SPECC1L: variants seen among roughly 807,000 people sequenced by gnomAD.
The protein encoded by SPECC1L is cytospin-A.
SPECC1L carries 40 observed loss-of-function variants against 116.8 expected under a neutral mutation model. The ratio of observed to expected loss-of-function variants is 0.34; its 90% CI spans 0.27 to 0.45. The LOEUF is 0.45. Ranked by LOEUF, SPECC1L falls within the 20% of genes least tolerant of loss-of-function variation. The pLI is 1.00. For synonymous variants in SPECC1L, 504 were observed against 500.6 expected (o/e 1.01, Z -0.09); for missense variants, 1,110 against 1,373.6 (o/e 0.81, Z 3.03).
intron 2 of SPECC1L, among the ~76,000 whole-genome samples, 155 bp from the exon 3 acceptor site, chr22:24,302,040 C>A (rs558050887): frequency 6.6e-4 from 99 of 150,086 alleles, no homozygotes; most frequent in African/African-American, 2.4e-3. Flanking sequence ...AGCGAGACTC[C>A]GTCTCAAAAA....
In SPECC1L at chr22:24,387,737, C is replaced by T. The variant is rs2042187397; in HGVS notation, c.3087+18417C>T. 4.6e-5 allele frequency among the ~76,000 whole-genome samples: 7 copies of T among 152,232 alleles called. No individual in the cohort carries two copies. In the South Asian group the frequency reaches 1.5e-3, roughly 32 times the overall value. The stretch of plus-strand genomic sequence containing the variant: ...TTGTTTTCTATTACTATTGAAATTA[C>T]TACAAATGTAGTAGCTAAAACAACA... On this transcript the variant is annotated intron_variant, in intron 14 of 16. Coordinates refer to ENST00000314328, the MANE Select transcript of SPECC1L (RefSeq NM_015330.6).
chr22:24,281,593 C>A (rs1319395144), intron 2 of SPECC1L, among the ~76,000 whole-genome samples: 2 of 152,126 alleles, frequency 1.3e-5, no homozygotes, highest in Non-Finnish European at 2.9e-5. Context: ...TTCAACTTCC[C>A]ATTATTCATT....
chr22:24,318,020 C>T (rs11912837), intron 4 of SPECC1L, among the ~76,000 whole-genome samples: 29 of 150,208 alleles, frequency 1.9e-4, no homozygotes, highest in East Asian at 1.2e-3. Flanking sequence ...TGGGCAGAGA[C>T]GCTCCTCACT....
rs552371806 is a variant in SPECC1L at position 24,384,812 on chromosome 22, C to A, written c.3087+15492C>A. On this transcript the variant is annotated intron_variant, in intron 14 of 16. Coordinates refer to ENST00000314328, the MANE Select transcript of SPECC1L (RefSeq NM_015330.6). The stretch of plus-strand genomic sequence containing the variant: ...AGAATGTAGGCCGGGTGCGGTGGCT[C>A]ACGCCTGTAATCCCAGCACTTTGGG... 1.1e-3 allele frequency among the ~76,000 whole-genome samples: 172 copies of A among 152,262 alleles called. 1 individual carries two copies. The highest frequency in any genetic ancestry group is 4.1e-3 in the African/African-American group (169 of 41,552).
chr22:24,403,435 A>G (rs2042520488), intron 14 of SPECC1L, among the ~76,000 whole-genome samples: 1 of 152,194 alleles, frequency 6.6e-6, no homozygotes, highest in Non-Finnish European at 1.5e-5. Context: ...TTAGATTGCC[A>G]CCATTGCCTG....
At chr22:24,405,432 G>A (rs1354151834) in intron 14 of SPECC1L, among the ~76,000 whole-genome samples, 1 of 151,978 alleles carries the variant, frequency 6.6e-6, no homozygotes, top group Non-Finnish European at 1.5e-5. Context: ...CTCCAGGTAG[G>A]AGCAGCCTAG....
At chr22:24,381,281 A>G (rs1180173836) in intron 14 of SPECC1L, among the ~76,000 whole-genome samples, 1 of 152,360 alleles carries the variant, frequency 6.6e-6, no homozygotes, top group East Asian at 1.9e-4. Context: ...TTCTGATAAA[A>G]TGCTAGACCT....
At chr22:24,318,447 T>C (rs1181755663) in intron 4 of SPECC1L, among the ~76,000 whole-genome samples, 1 of 151,570 alleles carries the variant, frequency 6.6e-6, no homozygotes, top group Admixed American at 6.6e-5. Flanking sequence ...GGCAGGGAGG[T>C]TGCAGTGAGC....
At chr22:24,343,485 G>A (rs1440373626) in intron 10 of SPECC1L, 1 of 448,608 alleles carries the variant, frequency 2.2e-6, no homozygotes, top group South Asian at 1.6e-5. Flanking sequence ...TTTTGAGATG[G>A]AGTCTAGTTC....
intron 13 of SPECC1L, 94 bp downstream of exon 13, chr22:24,365,726 C>T (rs1264371703): frequency 5.6e-6 from 8 of 1,440,298 alleles, no homozygotes; most frequent in Non-Finnish European, 7.8e-6. Context: ...CATTTGAGCA[C>T]TGTGATTTTT....
intron 4 of SPECC1L, among the ~76,000 whole-genome samples, chr22:24,313,742 CTT>C (rs1350275306): frequency 2.8e-4 from 36 of 129,886 alleles, no homozygotes; most frequent in Admixed American, 3.1e-4. Context: ...GAGAAGGATT[CTT>C]TTTTTTTTTT....
chr22:24,325,342 A>G (rs1028773691), intron 6 of SPECC1L, among the ~76,000 whole-genome samples: 3 of 152,156 alleles, frequency 2.0e-5, no homozygotes, highest in Non-Finnish European at 4.4e-5. Flanking sequence ...AGTTTTGCAA[A>G]CTAGTCTTCA....
Position 24,414,855 on chromosome 22 carries a change from C to T in SPECC1L, c.*232C>T. 1.8e-6 allele frequency: 1 copy of T among 565,078 alleles called. No homozygotes were observed. 35.0% of individuals were successfully genotyped at this position (565,078 alleles called of 1,614,324 possible). A position where few individuals can be genotyped will look rare whatever the true frequency, so the allele number is the denominator to read the frequency against. On this transcript the variant is annotated 3_prime_UTR_variant, in exon 17 of 17. Coordinates refer to ENST00000314328, the MANE Select transcript of SPECC1L (RefSeq NM_015330.6). ...GTCCATTCAGGTCATGTGGGCTCAG[C>T]ACACATCCTGCAGGCCGGTGGCTGC...
At chr22:24,318,087 A>G (rs1299658335) in intron 4 of SPECC1L, among the ~76,000 whole-genome samples, 5 of 141,160 alleles carry the variant, frequency 3.5e-5, no homozygotes, top group African/African-American at 1.1e-4. Context: ...ATGGGCGGCC[A>G]GGCAGAGACG....
chr22:24,280,794 G>T (rs1357115335), intron 2 of SPECC1L, among the ~76,000 whole-genome samples: 2 of 151,986 alleles, frequency 1.3e-5, no homozygotes, highest in African/African-American at 4.8e-5. Context: ...GGCCAGGCTG[G>T]TCTTGAACTC....
chr22:24,324,048 C>T (rs2040771275), intron 5 of SPECC1L, among the ~76,000 whole-genome samples, 172 bp from the exon 6 acceptor site: 1 of 152,200 alleles, frequency 6.6e-6, no homozygotes, highest in Non-Finnish European at 1.5e-5. Flanking sequence ...TAGATAAAAT[C>T]TTACCATGGA....
At chr22:24,384,868 A>C (rs997427876) in intron 14 of SPECC1L, among the ~76,000 whole-genome samples, 14 of 152,146 alleles carry the variant, frequency 9.2e-5, no homozygotes, top group Admixed American at 2.0e-4. Context: ...TGAGGTCAGG[A>C]GATCAAGACC....
intron 9 of SPECC1L, among the ~76,000 whole-genome samples, chr22:24,337,018 G>T (rs577726115): frequency 6.6e-6 from 1 of 152,280 alleles, no homozygotes; most frequent in Non-Finnish European, 1.5e-5. Flanking sequence ...GGTAGGCAAG[G>T]TTAAGCTGGG....
intron 14 of SPECC1L, among the ~76,000 whole-genome samples, chr22:24,391,380 A>G (rs2042272020): frequency 6.6e-6 from 1 of 152,174 alleles, no homozygotes; most frequent in African/African-American, 2.4e-5. Flanking sequence ...ATCTATTTCC[A>G]GAAATTTCAG....
Sources: gnomAD v4.1 joint callset for allele counts (sites outside exome capture counted in the v4.1 genomes callset) on GRCh38, gnomAD v4.1.1 for gene constraint, MANE v1.5 for transcripts, NCBI Gene and HGNC (gene_info 2026-07-23, HGNC 2026-07-21) for gene names.